Variants in ERG observed in about 807,000 individuals in gnomAD.
ERG encodes ETS transcription factor ERG.
A neutral mutation model predicts 55.3 loss-of-function variants in ERG; 9 were observed. The observed-to-expected ratio is 0.16, with a 90% CI of 0.10 to 0.28. The LOEUF (loss-of-function observed/expected upper bound fraction) is 0.28, where lower values mean the gene tolerates loss of function less well. Ranked by LOEUF, ERG falls within the 10% of genes least tolerant of loss-of-function variation. The probability of loss-of-function intolerance (pLI) is 1.00; values close to 1 mark genes in which losing one functional copy is unlikely to be tolerated. For synonymous variants in ERG, 223 were observed against 237.3 expected, an observed-to-expected ratio of 0.94 and a Z score of 0.55; for missense variants, 434 against 631.6, an observed-to-expected ratio of 0.69 and a Z score of 3.35.
At chr21:38,376,424 G>A (rs969612160), downstream of ERG, among the ~76,000 whole-genome samples, 1 of 152,170 alleles carries the variant, frequency 6.6e-6, no homozygotes, top group African/African-American at 2.4e-5. Context: ...TACCCTGATG[G>A]AAACCGGTTC....
chr21:38,571,145 C>T (rs2146854952), intron 2 of ERG, among the ~76,000 whole-genome samples: 1 of 152,266 alleles, frequency 6.6e-6, no homozygotes, highest in South Asian at 2.1e-4. Flanking sequence ...GACAGCTCCA[C>T]CCCTTCAGAG....
At chr21:38,425,509 C>T (rs371558829) in intron 2 of ERG, among the ~76,000 whole-genome samples, 11 of 152,170 alleles carry the variant, frequency 7.2e-5, no homozygotes, top group Admixed American at 2.6e-4. Context: ...ATGGTTAACA[C>T]GTAGATGGTA....
intron 2 of ERG, among the ~76,000 whole-genome samples, chr21:38,574,354 C>T (rs982691532): frequency 6.6e-6 from 1 of 152,122 alleles, no homozygotes; most frequent in African/African-American, 2.4e-5. Context: ...CCATCATAGC[C>T]CAACAAAACA....
chr21:38,374,207 C>T, the ERG span, among the ~76,000 whole-genome samples: 1 of 152,210 alleles, frequency 6.6e-6, no homozygotes, highest in Non-Finnish European at 1.5e-5. Context: ...GCGTCTGCCC[C>T]ACAGACCCTG....
intron 2 of ERG, among the ~76,000 whole-genome samples, chr21:38,533,570 G>A (rs1045739321): frequency 6.6e-6 from 1 of 152,096 alleles, no homozygotes; most frequent in Non-Finnish European, 1.5e-5. Context: ...TAAAATTCTT[G>A]TTGTTTTTTC....
intron 1 of ERG, among the ~76,000 whole-genome samples, chr21:38,643,665 C>G (rs965016152): frequency 2.0e-5 from 3 of 152,150 alleles, no homozygotes; most frequent in African/African-American, 7.2e-5. Context: ...AAAGAGGATT[C>G]CGCCCCACCG....
At chr21:38,455,666 G>C (rs1439506111) in intron 1 of ERG, among the ~76,000 whole-genome samples, 1 of 151,938 alleles carries the variant, frequency 6.6e-6, no homozygotes, top group African/African-American at 2.4e-5. Context: ...GAAAATTCTG[G>C]CACAATGGAA....
chr21:38,658,202 A>C (rs1002111821), intron 1 of ERG, among the ~76,000 whole-genome samples: 7 of 152,204 alleles, frequency 4.6e-5, no homozygotes, highest in Non-Finnish European at 8.8e-5. Context: ...AAGAGGTGAC[A>C]AAAAGAGACC....
At chr21:38,508,129 C>T (rs556836831) in intron 2 of ERG, among the ~76,000 whole-genome samples, 4 of 134,404 alleles carry the variant, frequency 3.0e-5, no homozygotes, top group Admixed American at 7.4e-5. Flanking sequence ...TGGATGGTAT[C>T]GATATCTATG....
At chr21:38,565,647 T>A (rs1211886484) in intron 2 of ERG, among the ~76,000 whole-genome samples, 2 of 152,166 alleles carry the variant, frequency 1.3e-5, no homozygotes, top group Admixed American at 1.3e-4. Flanking sequence ...ATGCTCCCAC[T>A]CCCTTCGGGT....
intron 2 of ERG, among the ~76,000 whole-genome samples, chr21:38,509,070 C>T (rs1200524589): frequency 1.3e-5 from 2 of 152,210 alleles, no homozygotes; most frequent in Non-Finnish European, 2.9e-5. Context: ...CGGCACTTGA[C>T]TGCAAACCTA....
At chr21:38,463,478 C>CT (rs1459483252) in intron 1 of ERG, among the ~76,000 whole-genome samples, 1 of 152,198 alleles carries the variant, frequency 6.6e-6, no homozygotes, top group African/African-American at 2.4e-5. Flanking sequence ...TTTTCAGAGC[C>CT]TGTAAGTGTC....
intron 2 of ERG, among the ~76,000 whole-genome samples, chr21:38,570,196 AC>A (rs2059948829): frequency 1.3e-5 from 2 of 152,182 alleles, no homozygotes; most frequent in South Asian, 4.1e-4. Flanking sequence ...CCACATAAAA[AC>A]ATCACTGTTA....
intron 2 of ERG, among the ~76,000 whole-genome samples, chr21:38,439,457 T>C (rs2058820379): frequency 6.6e-6 from 1 of 152,204 alleles, no homozygotes; most frequent in South Asian, 2.1e-4. Flanking sequence ...TTGGTGTGGA[T>C]GGCACAGGAA....
Position 38,429,635 on chromosome 21 carries a change from A to G in ERG, c.237-6074T>C, listed in dbSNP as rs574149551. On this transcript the variant is annotated intron_variant, in intron 2 of 9. Transcript: ENST00000288319. ...TGTACATATATACATATGTGTATAT[A>G]TACATGTATACACATGTACATATAT... 3.4e-4 allele frequency among the ~76,000 whole-genome samples: 50 copies of G among 148,728 alleles called. 14 individuals are homozygous for G. Among genetic ancestry groups the G allele is most frequent in the African/African-American group, 8.3e-4 (33 of 39,654 alleles).
intron 3 of ERG, among the ~76,000 whole-genome samples, chr21:38,409,776 G>A (rs1233227611): frequency 6.6e-6 from 1 of 152,204 alleles, no homozygotes; most frequent in Non-Finnish European, 1.5e-5. Context: ...TACGAGGATG[G>A]GGATGAAAGC....
chr21:38,385,200 C>T (rs572184382), intron 9 of ERG, among the ~76,000 whole-genome samples: 4 of 152,258 alleles, frequency 2.6e-5, no homozygotes, highest in Admixed American at 2.6e-4. Context: ...TAGAAGACAG[C>T]AGCATGTAAA....
chr21:38,618,976 C>G (rs1387981624), intron 1 of ERG, among the ~76,000 whole-genome samples: 1 of 152,182 alleles, frequency 6.6e-6, no homozygotes, highest in Non-Finnish European at 1.5e-5. Flanking sequence ...GGATAAGGAC[C>G]TGAAACATGA....
At chr21:38,539,766 G>A (rs1415801520) in intron 2 of ERG, among the ~76,000 whole-genome samples, 2 of 152,058 alleles carry the variant, frequency 1.3e-5, no homozygotes, top group African/African-American at 2.4e-5. Flanking sequence ...GGGACTGACC[G>A]TAAGCATAGT....
Sources: allele counts gnomAD v4.1 joint callset (sites outside exome capture counted in the v4.1 genomes callset), GRCh38; gene constraint gnomAD v4.1.1; transcripts MANE v1.5; gene names NCBI Gene and HGNC (gene_info 2026-07-23, HGNC 2026-07-21).